CREB5: variants seen among roughly 807,000 people sequenced by gnomAD.
CREB5 encodes the protein cyclic AMP-responsive element-binding protein 5.
Under a neutral mutation model 57.1 loss-of-function variants are expected in CREB5, and 19 were observed. That is an observed-to-expected ratio of 0.33 (90% CI 0.23 to 0.49). The LOEUF (loss-of-function observed/expected upper bound fraction) is 0.49. Ranked by LOEUF, CREB5 falls within the 20% of genes least tolerant of loss-of-function variation. The probability of loss-of-function intolerance (pLI) is 0.99; values close to 1 mark genes in which losing one functional copy is unlikely to be tolerated. For synonymous variants in CREB5, 238 were observed against 238.3 expected (o/e 1.00, Z 0.01); for missense variants, 579 against 671.6 (o/e 0.86, Z 1.52).
At chr7:28,650,032 G>A (rs950483842) in intron 5 of CREB5, among the ~76,000 whole-genome samples, 29 of 152,258 alleles carry the variant, frequency 1.9e-4, no homozygotes, top group African/African-American at 5.8e-4. Context: ...GGTAGATAAC[G>A]TTCTCCAATT....
intron 2 of CREB5, chr7:28,491,249 A>G (rs1791793465): frequency 2.0e-6 from 2 of 985,466 alleles, no homozygotes; most frequent in Non-Finnish European, 2.4e-6. Context: ...ACAAGAAACC[A>G]GTGAGACAGA....
intron 1 of CREB5, among the ~76,000 whole-genome samples, chr7:28,333,916 A>G (rs552608122): frequency 6.6e-6 from 1 of 152,274 alleles, no homozygotes; most frequent in South Asian, 2.1e-4. Flanking sequence ...ATACCCAGCA[A>G]TAGACTTGCC....
intron 1 of CREB5, among the ~76,000 whole-genome samples, chr7:28,431,905 C>A (rs1452693487): frequency 6.6e-6 from 1 of 150,886 alleles, no homozygotes; most frequent in Non-Finnish European, 1.5e-5. Flanking sequence ...GTATGGTGAG[C>A]AGATAGCTGT....
At chr7:28,535,228 C>T (rs1176401682) in intron 4 of CREB5, among the ~76,000 whole-genome samples, 1 of 138,484 alleles carries the variant, frequency 7.2e-6, no homozygotes, top group Non-Finnish European at 1.6e-5. Context: ...AACATTCATA[C>T]TTGTGGATTA....
At chr7:28,641,946 G>A (rs1425239034) in intron 5 of CREB5, among the ~76,000 whole-genome samples, 1 of 152,192 alleles carries the variant, frequency 6.6e-6, no homozygotes, top group Non-Finnish European at 1.5e-5. Context: ...GTGTGTGTAT[G>A]TGCTCCTGTG....
At chr7:28,572,655 C>T (rs1159835457) in intron 5 of CREB5, among the ~76,000 whole-genome samples, 2 of 152,128 alleles carry the variant, frequency 1.3e-5, no homozygotes, top group Non-Finnish European at 2.9e-5. Context: ...CCTTAGTATT[C>T]AGCCATTGTT....
chr7:28,384,510 C>A, intron 1 of CREB5, among the ~76,000 whole-genome samples: 1 of 151,954 alleles, frequency 6.6e-6, no homozygotes, highest in Non-Finnish European at 1.5e-5. Flanking sequence ...CACAAACAGG[C>A]ATTAGGATCT....
At chr7:28,631,574 G>T (rs188186219) in intron 5 of CREB5, among the ~76,000 whole-genome samples, 2 of 152,082 alleles carry the variant, frequency 1.3e-5, no homozygotes, top group Non-Finnish European at 2.9e-5. Context: ...CGGCAGAGGG[G>T]ATGAAGTCTC....
At chr7:28,442,446 T>C (rs1789229639) in intron 1 of CREB5, among the ~76,000 whole-genome samples, 2 of 152,166 alleles carry the variant, frequency 1.3e-5, no homozygotes, top group Non-Finnish European at 2.9e-5. Context: ...CCTTTCCTTT[T>C]GATATGTTTC....
chr7:28,463,931 T>C (rs1361124100), intron 1 of CREB5, among the ~76,000 whole-genome samples: 1 of 152,164 alleles, frequency 6.6e-6, no homozygotes, highest in African/African-American at 2.4e-5. Flanking sequence ...TCTTGCTTAA[T>C]TGCCATGGCT....
At chr7:28,692,853 T>C (rs1450128470) in intron 5 of CREB5, among the ~76,000 whole-genome samples, 7 of 152,210 alleles carry the variant, frequency 4.6e-5, no homozygotes, top group Non-Finnish European at 8.8e-5. Context: ...CTTAAAGACT[T>C]ACACACCTTT....
At chr7:28,811,903 C>T (rs1468834127) in intron 9 of CREB5, among the ~76,000 whole-genome samples, 2 of 152,158 alleles carry the variant, frequency 1.3e-5, no homozygotes, top group Non-Finnish European at 2.9e-5. Context: ...AGGAATTTGC[C>T]ACCATCTCTG....
chr7:28,736,225 A>C (rs4722838), intron 7 of CREB5, among the ~76,000 whole-genome samples: 44,823 of 151,940 alleles, frequency 0.3, 7,976 homozygotes, highest in Middle Eastern at 0.4. Context: ...GCTGGAGTAC[A>C]GTGGTGTGAT....
intron 1 of CREB5, among the ~76,000 whole-genome samples, chr7:28,462,317 G>A (rs956460226): frequency 3.9e-5 from 6 of 152,078 alleles, no homozygotes; most frequent in Non-Finnish European, 7.4e-5. Context: ...CCATTCATTA[G>A]TTGGGCATTT....
chr7:28,474,997 T>C (rs1190158979), intron 1 of CREB5, among the ~76,000 whole-genome samples: 1 of 152,202 alleles, frequency 6.6e-6, no homozygotes, highest in African/African-American at 2.4e-5. Context: ...CTCCCAAGCA[T>C]TAAAAAATTC....
At chr7:28,560,860 G>A (rs1362624448) in intron 4 of CREB5, among the ~76,000 whole-genome samples, 1 of 64,582 alleles carries the variant, frequency 1.5e-5, no homozygotes, top group African/African-American at 5.7e-5. Context: ...GTGTGTGTGC[G>A]TGTGCCTGCG....
chr7:28,581,673 T>C (rs1583661640), intron 5 of CREB5, among the ~76,000 whole-genome samples: 1 of 152,174 alleles, frequency 6.6e-6, no homozygotes, highest in Admixed American at 6.5e-5. Flanking sequence ...CCCAACAGCC[T>C]CCAGTTATTG....
At chr7:28,569,867 C>A (rs1795628714) in intron 4 of CREB5, among the ~76,000 whole-genome samples, 1 of 152,052 alleles carries the variant, frequency 6.6e-6, no homozygotes, top group Non-Finnish European at 1.5e-5. Context: ...TGTCCTCAGT[C>A]CTGAGATTAT....
At chr7:28,577,901 T>C (rs1477513995) in intron 5 of CREB5, among the ~76,000 whole-genome samples, 1 of 152,198 alleles carries the variant, frequency 6.6e-6, no homozygotes, top group African/African-American at 2.4e-5. Flanking sequence ...AGGAAATTGT[T>C]CTTTTATTCT....
Sources: allele counts gnomAD v4.1 joint callset (sites outside exome capture counted in the v4.1 genomes callset), GRCh38; gene constraint gnomAD v4.1.1; transcripts MANE v1.5; gene names NCBI Gene and HGNC (gene_info 2026-07-23, HGNC 2026-07-21).